Variants in DIP2B observed in about 807,000 individuals in gnomAD.
The protein encoded by DIP2B is disco-interacting protein 2 homolog B.
Under a neutral mutation model 198.0 loss-of-function variants are expected in DIP2B, and 76 were observed. That is an observed-to-expected ratio of 0.38 (90% CI 0.32 to 0.46). The LOEUF (loss-of-function observed/expected upper bound fraction) is 0.46, where lower values mean the gene tolerates loss of function less well. Among genes scored for constraint, DIP2B ranks in the 20% least tolerant of loss-of-function variants. DIP2B has a pLI of 0.99. For synonymous variants in DIP2B, 701 were observed against 739.1 expected (o/e 0.95, Z 0.84); for missense variants, 1,559 against 1,978.4 (o/e 0.79, Z 4.02).
intron 1 of DIP2B, among the ~76,000 whole-genome samples, chr12:50,602,287 G>A (rs978487233): frequency 2.6e-5 from 4 of 151,332 alleles, no homozygotes; most frequent in Non-Finnish European, 5.9e-5. Flanking sequence ...ATTTTTTTTT[G>A]AGACAGTGTC....
chr12:50,518,403 T>C (rs2139348652), intron 1 of DIP2B, among the ~76,000 whole-genome samples: 1 of 152,268 alleles, frequency 6.6e-6, no homozygotes, highest in Middle Eastern at 3.4e-3. Context: ...TTTTGTATTT[T>C]AGTAGAGATG....
At chr12:50,528,649 A>G (rs751223537) in intron 1 of DIP2B, among the ~76,000 whole-genome samples, 9 of 152,182 alleles carry the variant, frequency 5.9e-5, no homozygotes, top group Non-Finnish European at 8.8e-5. Flanking sequence ...CCATGAGAAT[A>G]GATGAGTTCA....
intron 7 of DIP2B, among the ~76,000 whole-genome samples, chr12:50,677,313 C>CT (rs1938963123): frequency 6.6e-6 from 1 of 152,138 alleles, no homozygotes; most frequent in South Asian, 2.1e-4. Flanking sequence ...TGTAAATTAT[C>CT]TTTCCTGCTA....
At chr12:50,726,698 G>A (rs929407137) in intron 28 of DIP2B, among the ~76,000 whole-genome samples, 2 of 148,350 alleles carry the variant, frequency 1.3e-5, no homozygotes, top group African/African-American at 5.0e-5. Flanking sequence ...ACATGATCTT[G>A]ATATGTTACC....
chr12:50,664,996 A>G (rs1036442872), intron 4 of DIP2B, among the ~76,000 whole-genome samples: 3 of 151,652 alleles, frequency 2.0e-5, no homozygotes, highest in Non-Finnish European at 4.4e-5. Flanking sequence ...CTGCAGGTGC[A>G]TGCTGCCACA....
At chr12:50,729,834 A>G (rs1333765947) in intron 30 of DIP2B, among the ~76,000 whole-genome samples, 1 of 150,884 alleles carries the variant, frequency 6.6e-6, no homozygotes, top group African/African-American at 2.4e-5. Flanking sequence ...AGCTCAAGCG[A>G]TCCTCCCATC....
At chr12:50,667,020 C>T (rs902509985) in intron 4 of DIP2B, among the ~76,000 whole-genome samples, 2 of 152,154 alleles carry the variant, frequency 1.3e-5, no homozygotes, top group Non-Finnish European at 2.9e-5. Flanking sequence ...AGGCACACAC[C>T]ACCACACTTA....
chr12:50,525,201 C>G (rs1185290364), intron 1 of DIP2B, among the ~76,000 whole-genome samples: 1 of 151,676 alleles, frequency 6.6e-6, no homozygotes, highest in Non-Finnish European at 1.5e-5. Context: ...ACTAAAAATA[C>G]AAAAAAATTA....
At chr12:50,516,253 A>G (rs917301754) in intron 1 of DIP2B, among the ~76,000 whole-genome samples, 2 of 142,224 alleles carry the variant, frequency 1.4e-5, no homozygotes, top group African/African-American at 2.7e-5. Context: ...CTCTATCTCT[A>G]TCTCTATCTC....
chr12:50,688,865 T>C (rs1241195682), intron 12 of DIP2B, among the ~76,000 whole-genome samples: 2 of 152,150 alleles, frequency 1.3e-5, no homozygotes, highest in Non-Finnish European at 2.9e-5. Context: ...GGGTCCTCCA[T>C]TGTGTGGCTC....
intron 27 of DIP2B, 42 bp from the exon 28 acceptor site, chr12:50,724,733 G>A: frequency 1.9e-6 from 3 of 1,585,234 alleles, no homozygotes; most frequent in South Asian, 2.2e-5. Context: ...CCATGTTGGG[G>A]CTGAGCCTCC....
intron 1 of DIP2B, among the ~76,000 whole-genome samples, chr12:50,625,388 T>C (rs9788075): frequency 0.32 from 48,547 of 152,132 alleles, 7,940 homozygotes; most frequent in South Asian, 0.39. Flanking sequence ...ATACATACTT[T>C]TAAATTTAAC....
chr12:50,671,398 G>C lies in DIP2B; in HGVS notation c.640G>C (p.Glu214Gln). The stretch of plus-strand genomic sequence containing the variant: ...TGATGTATTTGCCAATACTCGAATA[G>C]GTAGGAGCTGGATCTACCCAAGAAG... ...LADVFANTRIENFSAPPDVTT... is the reference protein window; with the variant it reads ...LADVFANTRIQNFSAPPDVTT... The change falls in exon 5 of 38, where the codon GAG becomes CAG. Residue 214 changes from glutamate to glutamine, a missense_variant and splice_region_variant. Transcript: ENST00000301180. The C allele has an allele frequency of 6.2e-7, 1 of 1,614,040 alleles. No homozygotes were observed. Among genetic ancestry groups the C allele is most frequent in the South Asian group, 1.1e-5 (1 of 91,066 alleles).
intron 4 of DIP2B, among the ~76,000 whole-genome samples, chr12:50,667,404 AG>A (rs2139519948): frequency 6.6e-6 from 1 of 152,338 alleles, no homozygotes; most frequent in South Asian, 2.1e-4. Flanking sequence ...CAGAATCAGT[AG>A]GGAAATGATA....
chr12:50,527,291 T>C (rs933279774), intron 1 of DIP2B, among the ~76,000 whole-genome samples: 5 of 152,228 alleles, frequency 3.3e-5, no homozygotes, highest in Non-Finnish European at 2.9e-5. Flanking sequence ...GTGCATAACA[T>C]GTCCAACTGT....
At position 50,706,689 on chromosome 12, in the gene DIP2B, T is replaced by C. The variant is rs140379311; in HGVS notation, c.2534+24T>C. 671 of 1,612,094 alleles carry C rather than the reference T, an allele frequency of 4.2e-4. 4 individuals are homozygous for C. The African/African-American group carries it at 8.1e-3, about 20-fold the overall frequency. On this transcript the variant is annotated intron_variant, in intron 21 of 37. Transcript: ENST00000301180. ...AGGTGAGTAGTACAAAATTCAAATG[T>C]TAGCACCTTTTAATGGAATCTAAAT...
intron 1 of DIP2B, among the ~76,000 whole-genome samples, chr12:50,574,762 G>T (rs1958643807): frequency 6.6e-6 from 1 of 152,172 alleles, no homozygotes; most frequent in Non-Finnish European, 1.5e-5. Flanking sequence ...ATGAAGAATG[G>T]GTTGGTGCCA....
intron 14 of DIP2B, among the ~76,000 whole-genome samples, chr12:50,694,889 T>C (rs530288801): frequency 1.3e-4 from 19 of 151,900 alleles, no homozygotes; most frequent in Non-Finnish European, 2.2e-4. Flanking sequence ...TATACTGATA[T>C]GCATAGATTT....
At chr12:50,706,093 CCCTTA>C (rs1939508192) in intron 20 of DIP2B, among the ~76,000 whole-genome samples, 1 of 152,152 alleles carries the variant, frequency 6.6e-6, no homozygotes. Context: ...AACAGCATTA[CCCTTA>C]CCAACCTGAG....
Sources: allele counts gnomAD v4.1 joint callset (sites outside exome capture counted in the v4.1 genomes callset), GRCh38; gene constraint gnomAD v4.1.1; transcripts MANE v1.5; gene names NCBI Gene and HGNC (gene_info 2026-07-23, HGNC 2026-07-21).